FAM168B: variants seen among roughly 807,000 people sequenced by gnomAD.
FAM168B encodes the protein myelin-associated neurite-outgrowth inhibitor.
A neutral mutation model predicts 21.8 loss-of-function variants in FAM168B; 19 were observed. The ratio of observed to expected loss-of-function variants is 0.87; its 90% confidence interval spans 0.61 to 1.28. The LOEUF is 1.28. Among genes scored for constraint, FAM168B ranks in the 50% most tolerant of loss-of-function variants. FAM168B has a pLI of 0.00. For synonymous variants in FAM168B, 126 were observed against 104.8 expected (o/e 1.20, Z -1.24); for missense variants, 233 against 263.1 (o/e 0.89, Z 0.79).
intron 1 of FAM168B, among the ~76,000 whole-genome samples, chr2:131,090,855 C>G (rs1693982722): frequency 6.6e-6 from 1 of 152,086 alleles, no homozygotes; most frequent in Admixed American, 6.6e-5. Flanking sequence ...CAGCCTCCCC[C>G]AGTGGCTGGG....
intron 2 of FAM168B, among the ~76,000 whole-genome samples, chr2:131,080,511 G>A (rs946175183): frequency 4.6e-5 from 7 of 150,834 alleles, no homozygotes; most frequent in African/African-American, 7.3e-5. Flanking sequence ...CCAGTTACTC[G>A]GGAGGCTGAG....
intron 1 of FAM168B, among the ~76,000 whole-genome samples, chr2:131,085,174 AT>A (rs1693627173): frequency 6.6e-6 from 1 of 151,926 alleles, no homozygotes; most frequent in South Asian, 2.1e-4. Context: ...AAAAAAGTCT[AT>A]TTTTAGGCTG....
chr2:131,071,988 A>G (rs1314308522), intron 2 of FAM168B, 50 bp from the exon 3 acceptor site: 4 of 1,281,638 alleles, frequency 3.1e-6, no homozygotes, highest in South Asian at 1.5e-5. Flanking sequence ...AGTAGCGACA[A>G]TCACTAGAGC....
At position 131,093,404 on chromosome 2, in the gene FAM168B, C is replaced by G. The variant is rs1407726444; in HGVS notation, c.-202G>C. 1 of 151,156 alleles carries G rather than the reference C, an allele frequency of 6.6e-6. No homozygotes were observed. The highest frequency in any genetic ancestry group is 1.5e-5 in the Non-Finnish European group (1 of 67,760). The allele number at this position is 151,156 out of a possible 1,614,324, so 9.4% of individuals were successfully genotyped here. On this transcript the variant is annotated 5_prime_UTR_variant, in exon 1 of 7. Coordinates refer to ENST00000389915, the MANE Select transcript of FAM168B (RefSeq NM_001009993.4). ...TCGCTCGGCTCCGCTTGGCCCGGCC[C>G]GCCTCTCCGCAGCCCGCGCTCCCCG... is the stretch of plus-strand genomic sequence containing the variant.
In FAM168B at chr2:131,093,400, G is replaced by C. The variant is rs1170999936; in HGVS notation, c.-198C>G. ...CCGCTCGCTCGGCTCCGCTTGGCCC[G>C]GCCCGCCTCTCCGCAGCCCGCGCTC... On this transcript the variant is annotated 5_prime_UTR_variant, in exon 1 of 7. Transcript: ENST00000389915. 6.6e-6 allele frequency: 1 copy of C among 150,922 alleles called. No homozygotes were observed. The highest frequency in any genetic ancestry group is 1.5e-5 in the Non-Finnish European group (1 of 67,602). 9.3% of individuals were successfully genotyped at this position (150,922 alleles called of 1,614,324 possible). A position where few individuals can be genotyped will look rare whatever the true frequency, so the allele number is the denominator to read the frequency against.
intron 3 of FAM168B, among the ~76,000 whole-genome samples, chr2:131,064,856 T>A (rs1306113579): frequency 6.6e-6 from 1 of 152,160 alleles, no homozygotes; most frequent in Non-Finnish European, 1.5e-5. Flanking sequence ...CACACAAGTA[T>A]CTGAAATTGC....
chr2:131,066,698 C>T (rs1692579007), intron 3 of FAM168B, among the ~76,000 whole-genome samples: 1 of 152,134 alleles, frequency 6.6e-6, no homozygotes, highest in African/African-American at 2.4e-5. Flanking sequence ...GAAATCCTCC[C>T]ATAAGAAATC....
At chr2:131,086,954 A>C (rs1475139152) in intron 1 of FAM168B, among the ~76,000 whole-genome samples, 1 of 125,936 alleles carries the variant, frequency 7.9e-6, no homozygotes, top group Non-Finnish European at 1.5e-5. Flanking sequence ...AGTCCCAGCT[A>C]CTCGGGAGGC....
intron 2 of FAM168B, among the ~76,000 whole-genome samples, chr2:131,077,295 C>T (rs1693204982): frequency 6.6e-6 from 1 of 152,006 alleles, no homozygotes; most frequent in Non-Finnish European, 1.5e-5. Flanking sequence ...GTGAGCAACG[C>T]CGCCTGCATC....
intron 6 of FAM168B, 36 bp from the exon 7 acceptor site, chr2:131,052,488 G>A (rs748462646): frequency 8.9e-6 from 9 of 1,012,414 alleles, no homozygotes; most frequent in Non-Finnish European, 9.5e-6. Context: ...GTCACACAGA[G>A]CTCTTCCGGC....
At chr2:131,059,154 C>T (rs1381719667) in intron 3 of FAM168B, among the ~76,000 whole-genome samples, 17 of 152,180 alleles carry the variant, frequency 1.1e-4, no homozygotes, top group Admixed American at 1.1e-3. Flanking sequence ...CATGCCCTGT[C>T]ACAGCGGAGA....
At chr2:131,061,055 G>A (rs1692267972) in intron 3 of FAM168B, among the ~76,000 whole-genome samples, 1 of 150,630 alleles carries the variant, frequency 6.6e-6, no homozygotes, top group African/African-American at 2.4e-5. Context: ...GTTTCACCGT[G>A]TTAGCCAGGA....
intron 3 of FAM168B, among the ~76,000 whole-genome samples, chr2:131,057,690 G>A (rs533129996): frequency 6.6e-6 from 1 of 152,300 alleles, no homozygotes; most frequent in East Asian, 1.9e-4. Context: ...ACGCTGCAGT[G>A]AGCTGTAATT....
At chr2:131,091,965 T>TTA (rs761919944) in intron 1 of FAM168B, among the ~76,000 whole-genome samples, 1 of 128,852 alleles carries the variant, frequency 7.8e-6, no homozygotes, top group African/African-American at 2.8e-5. Context: ...TCGTCTCTAC[T>TTA]AAAAAAAAAA....
Position 131,052,029 on chromosome 2 carries a change from T to C in FAM168B, c.*436A>G. On this transcript the variant is annotated 3_prime_UTR_variant, in exon 7 of 7. Coordinates refer to ENST00000389915, the MANE Select transcript of FAM168B (RefSeq NM_001009993.4). Reference sequence around the variant, plus strand: ...AAATTCACTTTAACACTTATAACTGTAAGACTTTGCATACATTACAACAGT... The same window carrying C: ...AAATTCACTTTAACACTTATAACTGCAAGACTTTGCATACATTACAACAGT... The C allele has an allele frequency of 1.0e-6, 1 of 985,756 alleles. No individual in the cohort carries two copies. The highest frequency in any genetic ancestry group is 1.2e-6 in the Non-Finnish European group (1 of 829,928). The allele number at this position is 985,756 out of a possible 1,614,324, so 61.1% of individuals were successfully genotyped here.
intron 2 of FAM168B, among the ~76,000 whole-genome samples, chr2:131,076,413 G>A (rs989926496): frequency 6.6e-6 from 1 of 152,100 alleles, no homozygotes; most frequent in Non-Finnish European, 1.5e-5. Flanking sequence ...TGTAATCCCA[G>A]CACTTTGGGA....
Position 131,050,470 on chromosome 2 carries a change from A to C in FAM168B, c.*1995T>G. Reference sequence around the variant, plus strand: ...CAGAGACTTGAAGAAAGGGGCACAAACTGTGTGCCTGCGGTAAATGTCTGC... The same window carrying C: ...CAGAGACTTGAAGAAAGGGGCACAACCTGTGTGCCTGCGGTAAATGTCTGC... On this transcript the variant is annotated 3_prime_UTR_variant, in exon 7 of 7. Transcript: ENST00000389915. The C allele has an allele frequency of 2.0e-6, 2 of 985,834 alleles. No homozygotes were observed. Among genetic ancestry groups the C allele is most frequent in the Non-Finnish European group, 2.4e-6 (2 of 829,942 alleles). The allele number at this position is 985,834 out of a possible 1,614,324, so 61.1% of individuals were successfully genotyped here.
chr2:131,084,620 C>CAAAA (rs1693591407), intron 1 of FAM168B, among the ~76,000 whole-genome samples: 1 of 152,058 alleles, frequency 6.6e-6, no homozygotes, highest in African/African-American at 2.4e-5. Flanking sequence ...CTTTCTTTTT[C>CAAAA]CTGACAAGTT....
At chr2:131,078,471 G>A (rs1478561329) in intron 2 of FAM168B, among the ~76,000 whole-genome samples, 1 of 152,196 alleles carries the variant, frequency 6.6e-6, no homozygotes, top group African/African-American at 2.4e-5. Context: ...CTTATAGATG[G>A]AGTTCCAGGA....
Sources: allele counts gnomAD v4.1 joint callset (sites outside exome capture counted in the v4.1 genomes callset), GRCh38; gene constraint gnomAD v4.1.1; transcripts MANE v1.5; gene names NCBI Gene and HGNC (gene_info 2026-07-23, HGNC 2026-07-21).